LPAR1: variants seen among roughly 807,000 people sequenced by gnomAD.
LPAR1 encodes lysophosphatidic acid receptor 1.
In LPAR1, 5 loss-of-function variants were observed where a neutral mutation model predicts 23.8. That is an observed-to-expected ratio of 0.21 (90% CI 0.11 to 0.44). The LOEUF is 0.44. Among genes scored for constraint, LPAR1 ranks in the 20% least tolerant of loss-of-function variants. LPAR1 has a pLI of 0.99. For missense variants in LPAR1, 311 were observed against 482.8 expected (o/e 0.64, Z 3.33); for synonymous variants, 160 against 164.7 (o/e 0.97, Z 0.22).
chr9:111,038,446 C>T lies in LPAR1; in HGVS notation c.-541G>A, dbSNP rs2097942055. The stretch of plus-strand genomic sequence containing the variant: ...GGAGACGGAGTCGCCACTCAGGGAG[C>T]GTCAGCCGCCAGTCGGCCCCTACTG... On this transcript the variant is annotated 5_prime_UTR_variant, in exon 1 of 6. Transcript: ENST00000683809. The surrounding 1 kb of genome is among the most constrained non-coding windows in gnomAD (Gnocchi z 4.4). 2 of 329,302 alleles carry T rather than the reference C, an allele frequency of 6.1e-6. No homozygotes were observed. Among genetic ancestry groups the T allele is most frequent in the South Asian group, 2.1e-5 (1 of 46,816 alleles). The allele number at this position is 329,302 out of a possible 1,614,324, so 20.4% of individuals were successfully genotyped here. A position where few individuals can be genotyped will look rare whatever the true frequency, so the allele number is the denominator to read the frequency against.
intron 4 of LPAR1, among the ~76,000 whole-genome samples, chr9:110,968,720 A>T (rs1361608960): frequency 6.6e-6 from 1 of 151,994 alleles, no homozygotes; most frequent in African/African-American, 2.4e-5. Context: ...GGCAAAACTT[A>T]TTTCTCTTAT....
chr9:110,914,053 A>G (rs893170970), intron 5 of LPAR1, among the ~76,000 whole-genome samples: 2 of 152,176 alleles, frequency 1.3e-5, no homozygotes, highest in African/African-American at 4.8e-5. Context: ...CCTGTCCTCA[A>G]AGGATGACAG....
At chr9:111,007,958 G>C (rs1042068500) in intron 2 of LPAR1, among the ~76,000 whole-genome samples, 4 of 152,136 alleles carry the variant, frequency 2.6e-5, no homozygotes, top group African/African-American at 9.7e-5. Flanking sequence ...CAGATCACCT[G>C]AGGTCAGGAG....
intron 2 of LPAR1, among the ~76,000 whole-genome samples, chr9:111,019,856 C>G (rs2097529246): frequency 6.6e-6 from 1 of 152,016 alleles, no homozygotes; most frequent in Non-Finnish European, 1.5e-5. Context: ...AAAAAAAGTT[C>G]CATACGTTAG....
chr9:110,900,933 ATACT>A (rs1325174712), intron 5 of LPAR1, among the ~76,000 whole-genome samples: 1 of 152,212 alleles, frequency 6.6e-6, no homozygotes, highest in African/African-American at 2.4e-5. Flanking sequence ...AAGTTACAGA[ATACT>A]TAGTGACAAA....
intron 4 of LPAR1, among the ~76,000 whole-genome samples, chr9:110,946,743 A>T (rs1383666529): frequency 1.3e-5 from 2 of 152,162 alleles, no homozygotes; most frequent in East Asian, 3.8e-4. Context: ...ACAGAACATG[A>T]TTCTAAATAA....
chr9:111,019,329 G>T (rs541360480), intron 2 of LPAR1, among the ~76,000 whole-genome samples: 19 of 152,066 alleles, frequency 1.2e-4, no homozygotes, highest in African/African-American at 4.6e-4. Flanking sequence ...TATTTTAAAA[G>T]ATAATAAACA....
chr9:110,880,791 A>T (rs2080537389), intron 5 of LPAR1, among the ~76,000 whole-genome samples: 1 of 152,206 alleles, frequency 6.6e-6, no homozygotes, highest in Non-Finnish European at 1.5e-5. Context: ...TGTTTTCCCT[A>T]AATTGTTTAT....
rs7846948 is a variant in LPAR1 at position 110,964,932 on chromosome 9, C to T, written c.45+7141G>A. Among the ~76,000 whole-genome samples, 1,025 of 134,088 alleles carry T rather than the reference C, an allele frequency of 7.6e-3. 16 individuals carry two copies. Among genetic ancestry groups the T allele is most frequent in the African/African-American group, 0.027 (960 of 35,994 alleles). The allele number at this position is 134,088 out of a possible 152,430, so 88.0% of individuals were successfully genotyped here. On this transcript the variant is annotated intron_variant, in intron 4 of 5. Transcript: ENST00000683809. ...AGGCTGGAGTGCAGTAGTGCGATCTCGGCTCACTGCAACCTGCCACATTTG... is the reference window on the plus strand; with the variant it reads ...AGGCTGGAGTGCAGTAGTGCGATCTTGGCTCACTGCAACCTGCCACATTTG...
In LPAR1 at chr9:110,991,997, GT is replaced by G. The variant is rs34666038; in HGVS notation, c.-181-18440del. 3.7e-4 allele frequency among the ~76,000 whole-genome samples: 55 copies of G among 149,100 alleles called. No individual in the cohort carries two copies. The East Asian group carries it at 5.3e-3, about 14-fold the overall frequency. On this transcript the variant is annotated intron_variant, in intron 2 of 5. Transcript: ENST00000683809. The stretch of plus-strand genomic sequence containing the variant: ...ACTAACTTAAATTCTTTAAAAGCTT[GT>G]TTTTTTTTTTCTTTAGTCAAAATAT...
chr9:110,955,574 C>G (rs72750163), intron 4 of LPAR1, among the ~76,000 whole-genome samples: 17,642 of 152,132 alleles, frequency 0.12, 1,292 homozygotes, highest in South Asian at 0.25. Context: ...ACCTAATAGA[C>G]ATTTAGAGAA....
intron 5 of LPAR1, among the ~76,000 whole-genome samples, chr9:110,886,081 T>C (rs1166512530): frequency 1.9e-4 from 29 of 151,986 alleles, no homozygotes; most frequent in African/African-American, 7.0e-4. Flanking sequence ...GCCTGTAATC[T>C]CAGCCACTCC....
chr9:110,930,403 G>T (rs1163958382), intron 5 of LPAR1, among the ~76,000 whole-genome samples: 1 of 151,884 alleles, frequency 6.6e-6, no homozygotes, highest in Non-Finnish European at 1.5e-5. Context: ...CAGCTGCTCG[G>T]GAGGCTGAGG....
At chr9:110,879,344 G>A (rs1234001934) in intron 5 of LPAR1, among the ~76,000 whole-genome samples, 1 of 148,630 alleles carries the variant, frequency 6.7e-6, no homozygotes, top group African/African-American at 2.5e-5. Context: ...CTTGAACCCA[G>A]GAGGCAGAGG....
chr9:110,933,734 G>A (rs1316560927), intron 5 of LPAR1, among the ~76,000 whole-genome samples: 1 of 152,132 alleles, frequency 6.6e-6, no homozygotes, highest in Non-Finnish European at 1.5e-5. Context: ...TTCATATTTG[G>A]ATGAACAAGA....
At chr9:110,973,332 G>C (rs2096479398) in intron 3 of LPAR1, 149 bp downstream of exon 3, 1 of 152,208 alleles carries the variant, frequency 6.6e-6, no homozygotes, top group Non-Finnish European at 1.5e-5. Flanking sequence ...AAAGGGACTA[G>C]AGTCACACAT....
At chr9:110,920,161 T>C (rs1244797341) in intron 5 of LPAR1, among the ~76,000 whole-genome samples, 1 of 152,228 alleles carries the variant, frequency 6.6e-6, no homozygotes, top group Non-Finnish European at 1.5e-5. Flanking sequence ...TGTATTTCCA[T>C]GCCATTGTGC....
intron 4 of LPAR1, among the ~76,000 whole-genome samples, chr9:110,950,864 A>G (rs1300540373): frequency 2.0e-5 from 3 of 152,236 alleles, no homozygotes; most frequent in Non-Finnish European, 4.4e-5. Flanking sequence ...AGGGTTTCTC[A>G]TGGAACTTGA....
intron 2 of LPAR1, among the ~76,000 whole-genome samples, chr9:111,003,745 C>A (rs548086565): frequency 1.3e-5 from 2 of 152,086 alleles, no homozygotes; most frequent in African/African-American, 4.8e-5. Flanking sequence ...ACCATGAAAA[C>A]CAAACCATTC....
Sources: allele counts gnomAD v4.1 joint callset (sites outside exome capture counted in the v4.1 genomes callset), GRCh38; gene constraint gnomAD v4.1.1; non-coding constraint Gnocchi (gnomAD v3.1); transcripts MANE v1.5; gene names NCBI Gene and HGNC (gene_info 2026-07-23, HGNC 2026-07-21).